PCDH15: variants seen among roughly 807,000 people sequenced by gnomAD.
PCDH15 encodes the protein protocadherin related 15, also known as protocadherin-15.
A neutral mutation model predicts 178.5 loss-of-function variants in PCDH15; 129 were observed. The ratio of observed to expected loss-of-function variants is 0.72; its 90% CI spans 0.63 to 0.84. The LOEUF (loss-of-function observed/expected upper bound fraction) is 0.84, where lower values mean the gene tolerates loss of function less well. Among genes scored for constraint, PCDH15 ranks in the 40% least tolerant of loss-of-function variants. The pLI, the probability that PCDH15 is intolerant of heterozygous loss-of-function variation, is 0.00. For synonymous variants in PCDH15, 800 were observed against 732.0 expected, an observed-to-expected ratio of 1.09 and a Z score of -1.50; for missense variants, 2,230 against 2,099.9, an observed-to-expected ratio of 1.06 and a Z score of -1.21.
chr10:53,830,246 G>A lies in PCDH15; in HGVS notation c.4202+1069C>T, dbSNP rs554101292. Among the ~76,000 whole-genome samples the A allele has an allele frequency of 2.6e-5, 4 of 151,258 alleles. No individual in the cohort carries two copies. In the East Asian group the frequency reaches 5.9e-4, roughly 22 times the overall value. Reference sequence around the variant, plus strand: ...GAACCTTGGAGGCAGAGGTTGCAGTGAGCTGAGATCACACCACTGCACTCC... The same window carrying A: ...GAACCTTGGAGGCAGAGGTTGCAGTAAGCTGAGATCACACCACTGCACTCC... On this transcript the variant is annotated intron_variant, in intron 30 of 37. Transcript: ENST00000644397.
At chr10:54,232,380 C>CT (rs1411690394) in intron 9 of PCDH15, among the ~76,000 whole-genome samples, 1 of 152,178 alleles carries the variant, frequency 6.6e-6, no homozygotes, top group Non-Finnish European at 1.5e-5. Flanking sequence ...GAACTGTGAG[C>CT]CACTTAAACC....
intron 2 of PCDH15, among the ~76,000 whole-genome samples, chr10:55,079,985 T>C (rs1164630135): frequency 6.6e-6 from 1 of 151,916 alleles, no homozygotes; most frequent in Non-Finnish European, 1.5e-5. Flanking sequence ...GATTCTGTGG[T>C]GGTGGGTTTG....
intron 2 of PCDH15, chr10:55,597,064 C>T (rs1842949708): frequency 6.6e-6 from 1 of 152,158 alleles, no homozygotes; most frequent in African/African-American, 2.4e-5. Context: ...GTCACGGGAG[C>T]ATTGTCATGC....
At chr10:54,082,373 G>T (rs538738329) in intron 16 of PCDH15, among the ~76,000 whole-genome samples, 21 of 152,160 alleles carry the variant, frequency 1.4e-4, no homozygotes, top group African/African-American at 5.1e-4. Context: ...GGAAAATTCA[G>T]GCACTCAAAA....
intron 2 of PCDH15, among the ~76,000 whole-genome samples, chr10:55,386,116 A>G (rs956526618): frequency 2.0e-5 from 3 of 152,036 alleles, no homozygotes; most frequent in Non-Finnish European, 4.4e-5. Flanking sequence ...TTAAAATAAA[A>G]GAAACACACT....
chr10:53,849,860 CAAAA>C (rs58458871), intron 28 of PCDH15, among the ~76,000 whole-genome samples: 14 of 52,726 alleles, frequency 2.7e-4, no homozygotes, highest in African/African-American at 5.3e-4. Context: ...GGCTCCGTCT[CAAAA>C]AAAAAAAAAA....
chr10:54,228,523 A>G (rs1238666162), intron 9 of PCDH15, among the ~76,000 whole-genome samples: 17 of 152,172 alleles, frequency 1.1e-4, no homozygotes, highest in African/African-American at 4.1e-4. Context: ...GAATGCTAAG[A>G]GCATCTACTC....
At chr10:54,358,684 T>C (rs915448119) in intron 5 of PCDH15, among the ~76,000 whole-genome samples, 11 of 152,188 alleles carry the variant, frequency 7.2e-5, no homozygotes, top group Non-Finnish European at 1.2e-4. Context: ...GGACTAGAAA[T>C]CATGCTGCTG....
intron 1 of PCDH15, among the ~76,000 whole-genome samples, chr10:54,708,024 G>T (rs1424402919): frequency 2.0e-5 from 3 of 152,140 alleles, no homozygotes; most frequent in Admixed American, 2.0e-4. Context: ...TCATGTTTTA[G>T]CAACAGGAAA....
At chr10:55,414,957 A>G (rs186828372) in intron 2 of PCDH15, among the ~76,000 whole-genome samples, 65 of 151,668 alleles carry the variant, frequency 4.3e-4, no homozygotes, top group African/African-American at 1.6e-3. Context: ...ATCTAGCACT[A>G]TGTTCAGTAG....
At chr10:54,619,456 T>A (rs2093286840) in intron 2 of PCDH15, 1 of 152,174 alleles carries the variant, frequency 6.6e-6, no homozygotes, top group African/African-American at 2.4e-5. Context: ...TTTAATATAA[T>A]TATTACATCT....
At chr10:55,007,710 C>A (rs988865501) in intron 2 of PCDH15, among the ~76,000 whole-genome samples, 2 of 152,042 alleles carry the variant, frequency 1.3e-5, no homozygotes, top group African/African-American at 4.8e-5. Context: ...ATTTTATTGA[C>A]TTCTGGCTTG....
At chr10:55,542,433 C>T (rs1841785562) in intron 2 of PCDH15, among the ~76,000 whole-genome samples, 1 of 150,664 alleles carries the variant, frequency 6.6e-6, no homozygotes, top group African/African-American at 2.4e-5. Flanking sequence ...AGTATGTCTA[C>T]AGTATATGTA....
intron 1 of PCDH15, among the ~76,000 whole-genome samples, chr10:55,254,359 A>T (rs1380765911): frequency 6.6e-6 from 1 of 152,086 alleles, no homozygotes; most frequent in African/African-American, 2.4e-5. Context: ...GGAAGAGGCT[A>T]TTTTTTTAGG....
intron 14 of PCDH15, among the ~76,000 whole-genome samples, chr10:54,136,027 G>A (rs1190783531): frequency 6.6e-6 from 1 of 152,012 alleles, no homozygotes; most frequent in Non-Finnish European, 1.5e-5. Context: ...TAGTGCAAAC[G>A]ATCTTGCATT....
chr10:54,363,995 C>G (rs1183732278), intron 5 of PCDH15, among the ~76,000 whole-genome samples: 1 of 151,768 alleles, frequency 6.6e-6, no homozygotes, highest in East Asian at 1.9e-4. Flanking sequence ...GGCGGATCAC[C>G]TGAGGTCAGG....
At chr10:55,212,128 G>T (rs1840586390) in intron 1 of PCDH15, among the ~76,000 whole-genome samples, 1 of 152,026 alleles carries the variant, frequency 6.6e-6, no homozygotes. Context: ...AAAGAAATGG[G>T]CAACATGGTG....
At chr10:54,159,062 T>C (rs913473803) in intron 13 of PCDH15, among the ~76,000 whole-genome samples, 2 of 151,414 alleles carry the variant, frequency 1.3e-5, no homozygotes, top group Non-Finnish European at 1.5e-5. Context: ...TGAGCCGAGA[T>C]TGTGCCACTG....
chr10:54,789,127 A>G (rs1180480698), intron 1 of PCDH15, among the ~76,000 whole-genome samples: 1 of 151,942 alleles, frequency 6.6e-6, no homozygotes, highest in Non-Finnish European at 1.5e-5. Context: ...ATTCATATTT[A>G]AAATTCATTT....
Sources: allele counts gnomAD v4.1 joint callset (sites outside exome capture counted in the v4.1 genomes callset), GRCh38; gene constraint gnomAD v4.1.1; transcripts MANE v1.5; gene names NCBI Gene and HGNC (gene_info 2026-07-23, HGNC 2026-07-21).